The following FAM117B variants were observed in gnomAD, a reference collection of about 807,000 sequenced individuals.
FAM117B encodes the protein protein FAM117B.
A neutral mutation model predicts 52.8 loss-of-function variants in FAM117B; 22 were observed. That is an observed-to-expected ratio of 0.42 (90% CI 0.30 to 0.59). The LOEUF is 0.59. Among genes scored for constraint, FAM117B ranks in the 20% least tolerant of loss-of-function variants. The pLI, the probability that FAM117B is intolerant of heterozygous loss-of-function variation, is 0.22. For missense variants in FAM117B, 678 were observed against 802.6 expected, an observed-to-expected ratio of 0.84 and a Z score of 1.88; for synonymous variants, 309 against 324.1, an observed-to-expected ratio of 0.95 and a Z score of 0.50.
In FAM117B at chr2:202,766,410, A is replaced by G. The variant is rs1361116566; in HGVS notation, c.*646A>G. The G allele has an allele frequency of 6.5e-6, 1 of 152,812 alleles. No individual in the cohort carries two copies. Among genetic ancestry groups the G allele is most frequent in the East Asian group, 1.9e-4 (1 of 5,186 alleles). The allele number at this position is 152,812 out of a possible 1,614,324, so 9.5% of individuals were successfully genotyped here. ...TGATAGGTAAATGCATTGAACAAGT[A>G]TATATAAAAAGAGATTAAAAAGCAA... On this transcript the variant is annotated 3_prime_UTR_variant, in exon 8 of 8. Coordinates refer to ENST00000392238, the MANE Select transcript of FAM117B (RefSeq NM_173511.4).
Position 202,726,217 on chromosome 2 carries a change from A to C in FAM117B, c.847-33A>C, listed in dbSNP as rs192421016. ...TGTGTTTTTGTTTCATGTAGAAAAC[A>C]CTCTGGTGTACTTGCTATTTTTGCT... On this transcript the variant is annotated intron_variant, in intron 3 of 7. Coordinates refer to ENST00000392238, the MANE Select transcript of FAM117B (RefSeq NM_173511.4). The C allele has an allele frequency of 3.3e-3, 4,746 of 1,458,658 alleles. 9 individuals carry two copies. The highest frequency in any genetic ancestry group is 3.4e-3 in the Non-Finnish European group (3,562 of 1,044,202). The allele number at this position is 1,458,658 out of a possible 1,614,324, so 90.4% of individuals were successfully genotyped here. A position where few individuals can be genotyped will look rare whatever the true frequency, so the allele number is the denominator to read the frequency against.
chr2:202,729,629 G>A (rs1348366544), intron 4 of FAM117B, among the ~76,000 whole-genome samples: 1 of 152,166 alleles, frequency 6.6e-6, no homozygotes, highest in Non-Finnish European at 1.5e-5. Context: ...TGTGTTGATA[G>A]GGAGAATTCA....
At chr2:202,737,353 C>T (rs899035572) in intron 4 of FAM117B, among the ~76,000 whole-genome samples, 1 of 151,950 alleles carries the variant, frequency 6.6e-6, no homozygotes, top group African/African-American at 2.4e-5. Context: ...TTAATTTTAA[C>T]ATATATGTAG....
At chr2:202,739,050 A>G (rs1207760523) in intron 4 of FAM117B, among the ~76,000 whole-genome samples, 3 of 152,142 alleles carry the variant, frequency 2.0e-5, no homozygotes, top group East Asian at 1.9e-4. Context: ...TTAGCCAGGC[A>G]TGTTAGCACA....
intron 4 of FAM117B, among the ~76,000 whole-genome samples, chr2:202,751,771 CAAAAAAAA>C (rs397868272): frequency 3.9e-5 from 3 of 76,220 alleles, no homozygotes; most frequent in African/African-American, 1.6e-4. Context: ...GACTCCATCT[CAAAAAAAA>C]AAAAAAAAAA....
chr2:202,663,872 C>T (rs1420020167), intron 1 of FAM117B, among the ~76,000 whole-genome samples: 2 of 152,254 alleles, frequency 1.3e-5, no homozygotes, highest in African/African-American at 2.4e-5. Flanking sequence ...GCGTGAGCCA[C>T]TGCGCCCAGC....
intron 2 of FAM117B, among the ~76,000 whole-genome samples, chr2:202,702,099 T>G (rs1488978387): frequency 6.6e-6 from 1 of 152,176 alleles, no homozygotes; most frequent in Non-Finnish European, 1.5e-5. Flanking sequence ...CATCTTATTT[T>G]AAGAAATTGC....
chr2:202,740,807 C>T (rs1299033802), intron 4 of FAM117B, among the ~76,000 whole-genome samples: 2 of 151,966 alleles, frequency 1.3e-5, no homozygotes, highest in East Asian at 3.9e-4. Context: ...TTTGACTGTA[C>T]CTGCTTTAAA....
rs145931543 is a variant in FAM117B, at chr2:202,733,265, G to T, written c.960+6902G>T. 4.6e-5 allele frequency among the ~76,000 whole-genome samples: 7 copies of T among 152,176 alleles called. No individual in the cohort carries two copies. In the East Asian group the frequency reaches 1.3e-3, roughly 29 times the overall value. On this transcript the variant is annotated intron_variant, in intron 4 of 7. Coordinates refer to ENST00000392238, the MANE Select transcript of FAM117B (RefSeq NM_173511.4). ...CAAAGGGCAAAGCAAAGATCACAAGGCAAAGGGCAAACTTAGAATTACTGA... is the reference window on the plus strand; with the variant it reads ...CAAAGGGCAAAGCAAAGATCACAAGTCAAAGGGCAAACTTAGAATTACTGA...
intron 4 of FAM117B, among the ~76,000 whole-genome samples, chr2:202,735,271 G>C (rs1168465847): frequency 6.6e-6 from 1 of 152,072 alleles, no homozygotes; most frequent in Admixed American, 6.6e-5. Context: ...GTATTTGGGG[G>C]ATTCTTTGTG....
chr2:202,735,333 C>T (rs749702642), intron 4 of FAM117B, among the ~76,000 whole-genome samples: 5 of 152,036 alleles, frequency 3.3e-5, no homozygotes, highest in Non-Finnish European at 7.4e-5. Flanking sequence ...TTGTATTTCA[C>T]GATATGCAGA....
intron 1 of FAM117B, among the ~76,000 whole-genome samples, chr2:202,658,302 A>G (rs1690080395): frequency 6.6e-6 from 1 of 151,962 alleles, no homozygotes; most frequent in Non-Finnish European, 1.5e-5. Context: ...TCACCTAAGA[A>G]TATCTTTTTT....
chr2:202,681,817 C>T (rs1034001003), intron 1 of FAM117B, among the ~76,000 whole-genome samples: 1 of 152,198 alleles, frequency 6.6e-6, no homozygotes, highest in Admixed American at 6.5e-5. Flanking sequence ...GCGAGGGCCC[C>T]GCCCTCAAAC....
At chr2:202,753,443 C>T (rs1194083511) in intron 4 of FAM117B, among the ~76,000 whole-genome samples, 1 of 152,220 alleles carries the variant, frequency 6.6e-6, no homozygotes, top group Non-Finnish European at 1.5e-5. Context: ...CCATTCAGGA[C>T]ACAGGCATGG....
intron 1 of FAM117B, among the ~76,000 whole-genome samples, chr2:202,687,173 A>G (rs1429868766): frequency 6.6e-6 from 1 of 152,240 alleles, no homozygotes; most frequent in African/African-American, 2.4e-5. Context: ...CACTATGCCG[A>G]GTGAATGAAG....
intron 4 of FAM117B, among the ~76,000 whole-genome samples, chr2:202,732,896 A>G (rs957629417): frequency 1.3e-5 from 2 of 151,344 alleles, no homozygotes; most frequent in Admixed American, 6.6e-5. Flanking sequence ...AAGACACAAA[A>G]GGGCACATAA....
At chr2:202,765,183 A>G (rs1351837325) in intron 7 of FAM117B, among the ~76,000 whole-genome samples, 1 of 152,156 alleles carries the variant, frequency 6.6e-6, no homozygotes, top group African/African-American at 2.4e-5. Flanking sequence ...CTGCATGGTA[A>G]TGGGGCTGTC....
chr2:202,711,335 TGTTTGTC>T (rs2105782200), intron 2 of FAM117B, among the ~76,000 whole-genome samples: 1 of 152,352 alleles, frequency 6.6e-6, no homozygotes, highest in African/African-American at 2.4e-5. Context: ...TACATATACC[TGTTTGTC>T]ATTTGTATGT....
In FAM117B at chr2:202,635,351, C is replaced by T; in HGVS notation, c.164C>T (p.Thr55Met). The T allele has an allele frequency of 7.4e-7, 1 of 1,349,978 alleles. No individual in the cohort carries two copies. The allele number at this position is 1,349,978 out of a possible 1,614,324, so 83.6% of individuals were successfully genotyped here. ...QQQQQQHGSP[T>M]RSGGGGGGNN... ...CAGCAGCAGCAACATGGCAGCCCCA[C>T]GCGGAGCGGCGGCGGCGGCGGCGGC... Residue 55 changes from threonine to methionine, a missense_variant, in exon 1 of 8, where the codon ACG (threonine) becomes ATG (methionine). Transcript: ENST00000392238.
Sources: gnomAD v4.1 joint callset for allele counts (sites outside exome capture counted in the v4.1 genomes callset) on GRCh38, gnomAD v4.1.1 for gene constraint, MANE v1.5 for transcripts, NCBI Gene and HGNC (gene_info 2026-07-23, HGNC 2026-07-21) for gene names.